The following MYH11 variants were observed in gnomAD, a reference collection of about 807,000 sequenced individuals.
MYH11 encodes the protein myosin heavy chain 11.
Under a neutral mutation model 246.6 loss-of-function variants are expected in MYH11, and 80 were observed. That is an observed-to-expected ratio of 0.32 (90% confidence interval 0.27 to 0.39). MYH11 has a LOEUF of 0.39. MYH11 is among the 10% of genes least tolerant of loss of function. The pLI, the probability that MYH11 is intolerant of heterozygous loss-of-function variation, is 1.00. For synonymous variants in MYH11, 1,071 were observed against 1,015.5 expected (o/e 1.05, Z -1.04); for missense variants, 2,158 against 2,546.8 (o/e 0.85, Z 3.29).
Position 15,786,572 on chromosome 16 carries a change from C to G in MYH11, c.633+58G>C, listed in dbSNP as rs753564730. On this transcript the variant is annotated intron_variant, in intron 5 of 40. Transcript: ENST00000300036. ...ATGTTCTGTTTGTATCTCGGTTGGG[C>G]TGCAAGCTGGAGACCGGTTGGCTAA... 112 of 1,482,146 alleles carry G rather than the reference C, an allele frequency of 7.6e-5. 1 individual carries two copies. In the Admixed American group the frequency reaches 1.9e-3, roughly 25 times the overall value. The allele number at this position is 1,482,146 out of a possible 1,614,324, so 91.8% of individuals were successfully genotyped here. A position where few individuals can be genotyped will look rare whatever the true frequency, so the allele number is the denominator to read the frequency against.
chr16:15,767,418 T>C (rs2042007682), intron 9 of MYH11, among the ~76,000 whole-genome samples: 1 of 152,164 alleles, frequency 6.6e-6, no homozygotes, highest in Non-Finnish European at 1.5e-5. Context: ...TTAGGTTGAA[T>C]GTTGGTCTTT....
At chr16:15,744,598 G>A (rs1306794658) in intron 20 of MYH11, among the ~76,000 whole-genome samples, 1 of 152,060 alleles carries the variant, frequency 6.6e-6, no homozygotes, top group Non-Finnish European at 1.5e-5. Flanking sequence ...TGTCTCCTGA[G>A]TTCAAGAGAT....
At chr16:15,718,125 G>A in intron 37 of MYH11, 190 bp downstream of exon 37, 1 of 855,496 alleles carries the variant, frequency 1.2e-6, no homozygotes, top group African/African-American at 1.7e-5. Context: ...GTGGAGAGGA[G>A]TATTCTGAAG....
intron 3 of MYH11, among the ~76,000 whole-genome samples, chr16:15,805,725 A>T (rs763379910): frequency 6.6e-6 from 1 of 152,072 alleles, no homozygotes; most frequent in Non-Finnish European, 1.5e-5. Context: ...CAGCCTGGGC[A>T]ACATGGTGAA....
intron 2 of MYH11, among the ~76,000 whole-genome samples, chr16:15,835,710 T>G (rs939022545): frequency 4.6e-5 from 7 of 152,020 alleles, no homozygotes; most frequent in Non-Finnish European, 7.4e-5. Flanking sequence ...TTAAGTGCTT[T>G]CTATTTAGAG....
At chr16:15,831,731 G>A (rs898415708) in intron 2 of MYH11, among the ~76,000 whole-genome samples, 1 of 152,018 alleles carries the variant, frequency 6.6e-6, no homozygotes, top group Non-Finnish European at 1.5e-5. Context: ...CTGAGTTCAG[G>A]AGTTCAAGAC....
chr16:15,743,638 A>C (rs1481023118), intron 20 of MYH11, among the ~76,000 whole-genome samples: 1 of 152,174 alleles, frequency 6.6e-6, no homozygotes, highest in Non-Finnish European at 1.5e-5. Flanking sequence ...TGCTTCATGC[A>C]CTTATCACAG....
chr16:15,715,311 G>T (rs765738920), intron 38 of MYH11, 39 bp from the exon 39 acceptor site: 4 of 1,604,730 alleles, frequency 2.5e-6, no homozygotes, highest in Middle Eastern at 1.7e-4. Context: ...TCAGCGGAGG[G>T]TGGCACCCCT....
intron 40 of MYH11, among the ~76,000 whole-genome samples, chr16:15,707,975 AAAAAG>A (rs1287118922): frequency 1.3e-5 from 2 of 151,408 alleles, no homozygotes; most frequent in African/African-American, 4.9e-5. Context: ...AAAAAAAAAA[AAAAAG>A]CAAAATCCCA....
intron 2 of MYH11, among the ~76,000 whole-genome samples, chr16:15,827,021 AAG>A (rs2043588902): frequency 6.6e-6 from 1 of 150,614 alleles, no homozygotes; most frequent in African/African-American, 2.5e-5. Context: ...AAAAAAAAAA[AAG>A]GAAACAGGAT....
intron 40 of MYH11, among the ~76,000 whole-genome samples, chr16:15,710,318 C>T (rs903922940): frequency 6.6e-6 from 1 of 151,932 alleles, no homozygotes; most frequent in East Asian, 1.9e-4. Context: ...GTCAGGAGAT[C>T]GAGACCATCC....
chr16:15,828,117 C>T, intron 2 of MYH11, among the ~76,000 whole-genome samples: 1 of 152,200 alleles, frequency 6.6e-6, no homozygotes, highest in East Asian at 1.9e-4. Flanking sequence ...TTTGAACCTT[C>T]ACTTTGCTAC....
At chr16:15,787,569 A>T (rs1282173959) in intron 4 of MYH11, among the ~76,000 whole-genome samples, 1 of 136,348 alleles carries the variant, frequency 7.3e-6, no homozygotes, top group Non-Finnish European at 1.5e-5. Flanking sequence ...TGCAAGCTCC[A>T]CCTCCCTGGT....
At position 15,759,707 on chromosome 16, in the gene MYH11, A is replaced by G; in HGVS notation, c.1270T>C (p.Leu424=). The part of the protein sequence containing the change: ...KEQADFAVEA[L]AKATYERLFR... ...AGGCGCTCATATGTTGCCTTGGCCA[A>G]AGCCTCTACAGCAAAGTCAGCCTGC... is the stretch of plus-strand genomic sequence containing the variant. Residue 424 remains leucine, a synonymous_variant, in exon 12 of 41, where the codon TTG becomes CTG. Coordinates refer to ENST00000300036, the MANE Select transcript of MYH11 (RefSeq NM_002474.3). The G allele has an allele frequency of 6.2e-7, 1 of 1,614,204 alleles. No individual in the cohort carries two copies. The highest frequency in any genetic ancestry group is 1.3e-5 in the African/African-American group (1 of 75,046).
rs147854349 is a variant in MYH11 at position 15,737,660 on chromosome 16, A to G, written c.3122-40T>C. ...GTGCTCTTCAGGAAGGGGAGGCCCCAGAGAGATGCCCGGAAATGAGCCTTC... is the reference window on the plus strand; with the variant it reads ...GTGCTCTTCAGGAAGGGGAGGCCCCGGAGAGATGCCCGGAAATGAGCCTTC... On this transcript the variant is annotated intron_variant, in intron 24 of 40. Transcript: ENST00000300036. The G allele has an allele frequency of 6.8e-3, 10,850 of 1,604,976 alleles. 83 individuals carry two copies. Among genetic ancestry groups the G allele is most frequent in the Non-Finnish European group, 7.1e-3 (8,331 of 1,179,224 alleles).
Position 15,717,217 on chromosome 16 carries a change from C to A in MYH11, c.5427G>T (p.Lys1809Asn). ...SKLHEMEGAV[K>N]SKFKSTIAAL... Reference sequence around the variant, plus strand: ...CCGCGATGGTGGACTTGAACTTGGACTTGACGGCCCCCTCCATCTCGTGGA... The same window carrying A: ...CCGCGATGGTGGACTTGAACTTGGAATTGACGGCCCCCTCCATCTCGTGGA... Residue 1809 changes from lysine (K) to asparagine (N), a missense_variant, in exon 38 of 41, where the codon AAG becomes AAT. Lys to Asn is a moderately conservative substitution (Grantham distance 94). Around this residue, in one of 11 missense-constraint regions of MYH11, gnomAD observed 1,013 missense variants for 993.5 expected, o/e 1.02. Transcript: ENST00000300036. The A allele has an allele frequency of 1.2e-6, 2 of 1,614,220 alleles. No homozygotes were observed. Among genetic ancestry groups the A allele is most frequent in the Non-Finnish European group, 8.5e-7 (1 of 1,180,044 alleles).
At chr16:15,765,926 G>C (rs1049127832) in intron 9 of MYH11, among the ~76,000 whole-genome samples, 1 of 152,188 alleles carries the variant, frequency 6.6e-6, no homozygotes, top group African/African-American at 2.4e-5. Context: ...CAGCCCAGGC[G>C]AGCCGGCCAA....
intron 5 of MYH11, 52 bp from the exon 6 acceptor site, chr16:15,782,529 G>A (rs2042381617): frequency 6.9e-7 from 1 of 1,445,296 alleles, no homozygotes; most frequent in Non-Finnish European, 9.7e-7. Context: ...GGTCCTGACA[G>A]TTCTACCTTG....
At chr16:15,704,757 T>G (rs1046436923) in intron 40 of MYH11, among the ~76,000 whole-genome samples, 1 of 152,232 alleles carries the variant, frequency 6.6e-6, no homozygotes, top group Non-Finnish European at 1.5e-5. Context: ...TGCATCTGTT[T>G]TGCTGATCGT....
Sources: gnomAD v4.1 joint callset for allele counts (sites outside exome capture counted in the v4.1 genomes callset) on GRCh38, gnomAD v4.1.1 for gene constraint, gnomAD v4.1.1 regional missense constraint, MANE v1.5 for transcripts, NCBI Gene and HGNC (gene_info 2026-07-23, HGNC 2026-07-21) for gene names.